CNTNAP5: variants seen among roughly 807,000 people sequenced by gnomAD.
CNTNAP5 encodes the protein contactin associated protein family member 5.
A neutral mutation model predicts 150.2 loss-of-function variants in CNTNAP5; 72 were observed. That is an observed-to-expected ratio of 0.48 (90% CI 0.40 to 0.58). The LOEUF (loss-of-function observed/expected upper bound fraction) is 0.58, where lower values mean the gene tolerates loss of function less well. Ranked by LOEUF, CNTNAP5 falls within the 20% of genes least tolerant of loss-of-function variation. The probability of loss-of-function intolerance (pLI) is 0.00; values close to 1 mark genes in which losing one functional copy is unlikely to be tolerated. For synonymous variants in CNTNAP5, 672 were observed against 619.8 expected (o/e 1.08, Z -1.25); for missense variants, 1,636 against 1,626.2 (o/e 1.01, Z -0.10).
chr2:124,169,151 C>T, intron 1 of CNTNAP5, among the ~76,000 whole-genome samples: 1 of 152,180 alleles, frequency 6.6e-6, no homozygotes, highest in East Asian at 1.9e-4. Flanking sequence ...TTATCCTTCA[C>T]AGCCCTCATG....
chr2:124,478,459 T>C (rs540896321), intron 7 of CNTNAP5, among the ~76,000 whole-genome samples: 1 of 152,250 alleles, frequency 6.6e-6, no homozygotes, highest in East Asian at 1.9e-4. Flanking sequence ...ACATTATTTT[T>C]CTTCCAAATT....
chr2:124,705,053 T>A (rs1392975067), intron 13 of CNTNAP5, among the ~76,000 whole-genome samples: 1 of 107,182 alleles, frequency 9.3e-6, no homozygotes, highest in Non-Finnish European at 2.3e-5. Flanking sequence ...ACTTTCCACT[T>A]AATTGTGTAC....
chr2:124,074,815 T>A (rs564956301), intron 1 of CNTNAP5, among the ~76,000 whole-genome samples: 9 of 152,136 alleles, frequency 5.9e-5, no homozygotes, highest in African/African-American at 9.7e-5. Flanking sequence ...ATCATCATCA[T>A]CTATTGTCAT....
intron 18 of CNTNAP5, among the ~76,000 whole-genome samples, chr2:124,796,468 G>T (rs185592523): frequency 6.6e-6 from 1 of 152,204 alleles, no homozygotes; most frequent in Non-Finnish European, 1.5e-5. Flanking sequence ...CACTGTCACA[G>T]ATGTCTGCTG....
intron 7 of CNTNAP5, among the ~76,000 whole-genome samples, chr2:124,495,922 C>G (rs1015027230): frequency 6.6e-6 from 1 of 152,108 alleles, no homozygotes; most frequent in Non-Finnish European, 1.5e-5. Context: ...TCATAAAGCC[C>G]TGTAACAATG....
intron 3 of CNTNAP5, among the ~76,000 whole-genome samples, chr2:124,361,890 G>A (rs1213813613): frequency 4.9e-5 from 7 of 142,538 alleles, no homozygotes; most frequent in East Asian, 3.9e-4. Flanking sequence ...GGGCAATGGC[G>A]GGCGCCCCTC....
chr2:124,763,582 CAAATCA>C, intron 14 of CNTNAP5, 84 bp from the exon 15 acceptor site: 1 of 1,332,958 alleles, frequency 7.5e-7, no homozygotes, highest in South Asian at 1.3e-5. Flanking sequence ...TGCAACTGGC[CAAATCA>C]CTTCTGAAAA....
intron 1 of CNTNAP5, among the ~76,000 whole-genome samples, chr2:124,162,689 G>A (rs1371148): frequency 0.13 from 20,308 of 152,064 alleles, 1,607 homozygotes; most frequent in Admixed American, 0.25. Context: ...TTTTAAACTA[G>A]GATTTTATCT....
At chr2:124,680,934 G>C (rs1198478061) in intron 13 of CNTNAP5, 2 of 151,556 alleles carry the variant, frequency 1.3e-5, no homozygotes, top group East Asian at 3.9e-4. Flanking sequence ...ACTTTTATTT[G>C]GAGTTGCACC....
At chr2:124,847,171 T>C (rs555181069) in intron 19 of CNTNAP5, among the ~76,000 whole-genome samples, 1 of 152,278 alleles carries the variant, frequency 6.6e-6, no homozygotes, top group African/African-American at 2.4e-5. Flanking sequence ...AGCAGGGCCA[T>C]AGAGCTCCCA....
At chr2:124,251,739 G>A (rs1687183992) in intron 3 of CNTNAP5, among the ~76,000 whole-genome samples, 1 of 152,176 alleles carries the variant, frequency 6.6e-6, no homozygotes, top group Non-Finnish European at 1.5e-5. Flanking sequence ...TTTCTGACTT[G>A]TCAGTAGAAG....
At chr2:124,101,092 C>T (rs1260703059) in intron 1 of CNTNAP5, among the ~76,000 whole-genome samples, 3 of 151,926 alleles carry the variant, frequency 2.0e-5, no homozygotes, top group Non-Finnish European at 2.9e-5. Context: ...CCCTTGATCA[C>T]GACAGATATT....
intron 1 of CNTNAP5, among the ~76,000 whole-genome samples, chr2:124,051,992 A>G (rs935443045): frequency 2.0e-5 from 3 of 152,218 alleles, no homozygotes; most frequent in African/African-American, 7.2e-5. Context: ...CTACTAGAAA[A>G]GTAGAATAAA....
At chr2:124,542,409 GC>G (rs1202807949) in intron 10 of CNTNAP5, among the ~76,000 whole-genome samples, 1 of 151,610 alleles carries the variant, frequency 6.6e-6, no homozygotes, top group Non-Finnish European at 1.5e-5. Context: ...GGCACTGAGG[GC>G]CATGAAGTTA....
At chr2:124,409,259 C>T (rs1691681304) in intron 3 of CNTNAP5, among the ~76,000 whole-genome samples, 1 of 91,524 alleles carries the variant, frequency 1.1e-5, no homozygotes, top group Non-Finnish European at 2.2e-5. Context: ...GATTGGTGTA[C>T]CTGAAAGTGA....
rs1344473511 is a variant in CNTNAP5 at position 124,409,043 on chromosome 2, G to T, written c.382-8400G>T. On this transcript the variant is annotated intron_variant, in intron 3 of 23. Transcript: ENST00000682447. ...AACCAATACAGAGAAGTGCTTAAAG[G>T]AGCTGATGGAGCTGAAAACCAAGGC... 9.4e-5 allele frequency among the ~76,000 whole-genome samples: 13 copies of T among 138,274 alleles called. No individual in the cohort carries two copies. The South Asian group carries it at 3.5e-3, about 37-fold the overall frequency. The allele number at this position is 138,274 out of a possible 152,430, so 90.7% of individuals were successfully genotyped here.
intron 19 of CNTNAP5, among the ~76,000 whole-genome samples, chr2:124,859,737 G>T (rs1488188488): frequency 5.9e-5 from 9 of 151,794 alleles, no homozygotes; most frequent in African/African-American, 1.2e-4. Flanking sequence ...CCATAAAAAA[G>T]GATGAGTTCA....
chr2:124,089,402 G>A (rs1029878422), intron 1 of CNTNAP5, among the ~76,000 whole-genome samples: 1 of 151,882 alleles, frequency 6.6e-6, no homozygotes, highest in Non-Finnish European at 1.5e-5. Context: ...TACAAATGAG[G>A]TACCCAGGTC....
chr2:124,792,296 C>T (rs754810912), intron 18 of CNTNAP5, among the ~76,000 whole-genome samples: 1 of 152,054 alleles, frequency 6.6e-6, no homozygotes, highest in Non-Finnish European at 1.5e-5. Flanking sequence ...ACATATATTC[C>T]TCATCCAAAC....
Sources: gnomAD v4.1 joint callset for allele counts (sites outside exome capture counted in the v4.1 genomes callset) on GRCh38, gnomAD v4.1.1 for gene constraint, MANE v1.5 for transcripts, NCBI Gene and HGNC (gene_info 2026-07-23, HGNC 2026-07-21) for gene names.